Variants in APOB observed in about 807,000 individuals in gnomAD.
APOB encodes the protein apolipoprotein B-100.
Under a neutral mutation model 314.1 loss-of-function variants are expected in APOB, and 153 were observed. The ratio of observed to expected loss-of-function variants is 0.49; its 90% CI spans 0.43 to 0.56. The LOEUF is 0.56. Among genes scored for constraint, APOB ranks in the 20% least tolerant of loss-of-function variants. The probability of loss-of-function intolerance (pLI) is 0.00; values close to 1 mark genes in which losing one functional copy is unlikely to be tolerated. For synonymous variants in APOB, 2,087 were observed against 2,036.4 expected (o/e 1.02, Z -0.67); for missense variants, 5,430 against 5,350.7 (o/e 1.01, Z -0.46).
chr2:21,021,285 A>G (rs953166476), intron 18 of APOB, among the ~76,000 whole-genome samples: 1 of 152,122 alleles, frequency 6.6e-6, no homozygotes, highest in African/African-American at 2.4e-5. Flanking sequence ...AGTACTTATG[A>G]TTCTGCCTCT....
At position 21,011,773 on chromosome 2, in the gene APOB, G is replaced by T. The variant is rs138709653; in HGVS notation, c.5095C>A (p.Leu1699Met). Residue 1699 changes from leucine to methionine, a missense_variant, in exon 26 of 29, where the codon CTG (leucine) becomes ATG (methionine). Physicochemically the swap from Leu to Met is conservative, Grantham distance 15. Transcript: ENST00000233242. ...TCTGTGAGGGCGGCTTTCCCATCCAGACTGAATTTTGCATTGTGTTCCCTG... is the reference window on the plus strand; with the variant it reads ...TCTGTGAGGGCGGCTTTCCCATCCATACTGAATTTTGCATTGTGTTCCCTG... The part of the protein sequence containing the change: ...RFREHNAKFS[L>M]DGKAALTELS... 2 of 1,613,966 alleles carry T rather than the reference G, an allele frequency of 1.2e-6. No individual in the cohort carries two copies. The highest frequency in any genetic ancestry group is 2.2e-5 in the South Asian group (2 of 91,062).
At chr2:21,042,528 G>A in intron 2 of APOB, 52 bp from the exon 3 acceptor site, 1 of 1,402,192 alleles carries the variant, frequency 7.1e-7, no homozygotes. Context: ...CTCTCCCAAG[G>A]ACAGCCAATT....
Position 21,005,081 on chromosome 2 carries a change from A to T in APOB, c.11787T>A (p.Asn3929Lys), listed in dbSNP as rs1047501521. 2 of 1,613,790 alleles carry T rather than the reference A, an allele frequency of 1.2e-6. No individual in the cohort carries two copies. The highest frequency in any genetic ancestry group is 1.7e-6 in the Non-Finnish European group (2 of 1,179,808). Residue 3929 changes from asparagine to lysine, a missense_variant and splice_region_variant, in exon 26 of 29, where the codon AAT (asparagine) becomes AAA (lysine). Around this residue, in one of 3 missense-constraint regions of APOB, gnomAD observed 3,281 missense variants for 3,171.0 expected, o/e 1.03. Transcript: ENST00000233242. ...GAGAGGAGGCAGGATATTTCTTACC[A>T]TTTAGTTCATATTCTAGGAACTGTA... ...STVQFLEYEL[N>K]VLGTHKIEDG... is the part of the protein sequence containing the mutation.
rs749868276 is a variant in APOB at position 21,001,965 on chromosome 2, T to G, written c.13457A>C (p.Lys4486Thr). Residue 4486 changes from lysine (K) to threonine (T), a missense_variant, in exon 29 of 29, where the codon AAA becomes ACA. Lys to Thr is a moderately conservative substitution (Grantham distance 78). Coordinates refer to ENST00000233242, the MANE Select transcript of APOB (RefSeq NM_000384.3). ...CTGCTGGTGGTAATCAGAAATTATTTTCTTCGTCGCAATGGCCTGGCTTTT... is the reference window on the plus strand; with the variant it reads ...CTGCTGGTGGTAATCAGAAATTATTGTCTTCGTCGCAATGGCCTGGCTTTT... Reference protein sequence around the residue: ...IIKSQAIATKKIISDYHQQFR... With the variant: ...IIKSQAIATKTIISDYHQQFR... The G allele has an allele frequency of 1.2e-6, 2 of 1,614,084 alleles. No individual in the cohort carries two copies. The highest frequency in any genetic ancestry group is 2.2e-5 in the South Asian group (2 of 91,084).
rs12720769 is a variant in APOB at position 21,031,513 on chromosome 2, G to A, written c.1352+841C>T. On this transcript the variant is annotated intron_variant, in intron 10 of 28. Transcript: ENST00000233242. ...TTAGTGGGTACACTATATGTTGTCT[G>A]GGTGATGGATACCCTGAAAGCCCTG... 4.5e-3 allele frequency among the ~76,000 whole-genome samples: 690 copies of A among 152,300 alleles called. 2 individuals are homozygous for A. Among genetic ancestry groups the A allele is most frequent in the African/African-American group, 0.016 (651 of 41,556 alleles).
In APOB at chr2:21,019,067, C is replaced by G. The variant is rs770892328; in HGVS notation, c.3046G>C (p.Val1016Leu). Residue 1016 changes from valine to leucine, a missense_variant, in exon 20 of 29, where the codon GTC becomes CTC. This residue lies in a region of APOB where 2,085 missense variants were observed against 2,079.7 expected (regional missense o/e 1.00). Coordinates refer to ENST00000233242, the MANE Select transcript of APOB (RefSeq NM_000384.3). ...RPTGEIEQYSVSATYELQRED... is the reference protein window; with the variant it reads ...RPTGEIEQYSLSATYELQRED... ...CTCTGGAGCTCATAGGTTGCGCTGACAGAATACTGCTCAATCTCTCCTGTA... is the reference window on the plus strand; with the variant it reads ...CTCTGGAGCTCATAGGTTGCGCTGAGAGAATACTGCTCAATCTCTCCTGTA... 1.9e-6 allele frequency: 3 copies of G among 1,614,038 alleles called. No individual in the cohort carries two copies. Among genetic ancestry groups the G allele is most frequent in the Non-Finnish European group, 2.5e-6 (3 of 1,179,980 alleles).
Position 21,011,304 on chromosome 2 carries a change from G to A in APOB, c.5564C>T (p.Thr1855Ile), listed in dbSNP as rs774080084. 6.2e-7 allele frequency: 1 copy of A among 1,614,246 alleles called. No individual in the cohort carries two copies. The highest frequency in any genetic ancestry group is 1.1e-5 in the South Asian group (1 of 91,088). Reference sequence around the variant, plus strand: ...CTCCACACCCTGAACCTTAGCAACAGTGTCTGCTTTATAGCTTGCTGATAA... The same window carrying A: ...CTCCACACCCTGAACCTTAGCAACAATGTCTGCTTTATAGCTTGCTGATAA... ...AALSASYKAD[T>I]VAKVQGVEFS... The change falls in exon 26 of 29, where the codon ACT (threonine) becomes ATT (isoleucine). Residue 1855 changes from threonine (T) to isoleucine (I), a missense_variant. By Grantham distance (89) the Thr-to-Ile change is moderately conservative (BLOSUM62 -1). Coordinates refer to ENST00000233242, the MANE Select transcript of APOB (RefSeq NM_000384.3).
At chr2:21,038,168 A>G in intron 4 of APOB, 57 bp from the exon 5 acceptor site, 1 of 1,598,098 alleles carries the variant, frequency 6.3e-7, no homozygotes, top group Non-Finnish European at 8.6e-7. Context: ...ACTTGCTGGA[A>G]GTAAGCTGGG....
Position 21,010,260 on chromosome 2 carries a change from T to C in APOB, c.6608A>G (p.Asp2203Gly). The C allele has an allele frequency of 6.4e-7, 1 of 1,555,884 alleles. No individual in the cohort carries two copies. Among genetic ancestry groups the C allele is most frequent in the Non-Finnish European group, 8.7e-7 (1 of 1,152,900 alleles). ...DLKIAIANIIDEIIEKLKSLD... is the reference protein window; with the variant it reads ...DLKIAIANIIGEIIEKLKSLD... ...ACTTTTTAATTTTTCAATGATTTCATCAATAATATTAGCAATAGCTATTTT... is the reference window on the plus strand; with the variant it reads ...ACTTTTTAATTTTTCAATGATTTCACCAATAATATTAGCAATAGCTATTTT... Residue 2203 changes from aspartate to glycine, a missense_variant, in exon 26 of 29, where the codon GAT becomes GGT. By Grantham distance (94) the Asp-to-Gly change is moderately conservative. Transcript: ENST00000233242.
In APOB at chr2:21,040,550, G is replaced by A. The variant is rs564332181; in HGVS notation, c.383+388C>T. ...AAGCCTTGGTGCTCCTCTGCCCTGC[G>A]GTGAACAGACCCTGCCCCGCCATGT... On this transcript the variant is annotated intron_variant, in intron 4 of 28. Coordinates refer to ENST00000233242, the MANE Select transcript of APOB (RefSeq NM_000384.3). Among the ~76,000 whole-genome samples, 18 of 152,278 alleles carry A rather than the reference G, an allele frequency of 1.2e-4. No individual in the cohort carries two copies. In the South Asian group the frequency reaches 2.1e-3, roughly 18 times the overall value.
Position 21,010,197 on chromosome 2 carries a change from T to G in APOB, c.6671A>C (p.Lys2224Thr). The change falls in exon 26 of 29, where the codon AAA (lysine) becomes ACA (threonine). Residue 2224 changes from lysine (K) to threonine (T), a missense_variant. Lys to Thr is a moderately conservative substitution (Grantham distance 78). Coordinates refer to ENST00000233242, the MANE Select transcript of APOB (RefSeq NM_000384.3). ...EHYHIRVNLV[K>T]TIHDLHLFIE... is the part of the protein sequence containing the mutation. Reference sequence around the variant, plus strand: ...AAACAAATGTAGATCATGGATTGTTTTTACTAAATTTACACGGATATGATA... The same window carrying G: ...AAACAAATGTAGATCATGGATTGTTGTTACTAAATTTACACGGATATGATA... The G allele has an allele frequency of 6.3e-7, 1 of 1,593,778 alleles. No individual in the cohort carries two copies. The highest frequency in any genetic ancestry group is 1.1e-5 in the South Asian group (1 of 89,570).
At chr2:21,004,133 C>T in intron 28 of APOB, 136 bp downstream of exon 28, 2 of 847,280 alleles carry the variant, frequency 2.4e-6, no homozygotes, top group South Asian at 3.0e-5. Context: ...AGAATATTTC[C>T]TCAGAGAAGA....
At chr2:21,043,117 C>A (rs1664173237) in intron 2 of APOB, among the ~76,000 whole-genome samples, 1 of 150,632 alleles carries the variant, frequency 6.6e-6, no homozygotes, top group Non-Finnish European at 1.5e-5. Context: ...CTTTAACCCC[C>A]AGGGGTCAGG....
chr2:21,004,482 C>G (rs779330794), intron 27 of APOB, 30 bp from the exon 28 acceptor site: 3 of 1,613,550 alleles, frequency 1.9e-6, no homozygotes, highest in Non-Finnish European at 2.5e-6. Flanking sequence ...TGAGCTATCA[C>G]GAAAGGGGTA....
intron 1 of APOB, 130 bp from the exon 2 acceptor site, chr2:21,043,681 A>G: frequency 6.7e-7 from 1 of 1,495,074 alleles, no homozygotes; most frequent in East Asian, 2.5e-5. Context: ...CCCCCTCCTC[A>G]GCCCCTCCAT....
chr2:21,026,373 G>A (rs779963816), intron 15 of APOB, among the ~76,000 whole-genome samples: 4 of 151,800 alleles, frequency 2.6e-5, no homozygotes, highest in African/African-American at 4.8e-5. Flanking sequence ...TCAGCCTCCC[G>A]AGTAGCTAGG....
In APOB at chr2:21,043,892, C is replaced by A; in HGVS notation, c.54G>T (p.Leu18=). The A allele has an allele frequency of 6.8e-7, 1 of 1,465,276 alleles. No homozygotes were observed. Among genetic ancestry groups the A allele is most frequent in the Non-Finnish European group, 9.0e-7 (1 of 1,114,312 alleles). 90.8% of individuals were successfully genotyped at this position (1,465,276 alleles called of 1,614,324 possible). ...LLALLALPAL[L]LLLLAGARAE... ...CCCTGGCGCCCGCCAGCAGCAGCAG[C>A]AGCAGCGCAGGCAGCGCCAGCAGCG... Residue 18 remains leucine, a synonymous_variant, in exon 1 of 29, where the codon CTG becomes CTT. Transcript: ENST00000233242.
Position 21,004,249 on chromosome 2 carries a change from A to G in APOB, c.12087+20T>C, listed in dbSNP as rs372410721. ...CTCCACTCGCTCTTGGGGGCGTGTC[A>G]CTCATTAGGTGGTATTTACCTGAGG... is the stretch of plus-strand genomic sequence containing the variant. On this transcript the variant is annotated intron_variant, in intron 28 of 28. Transcript: ENST00000233242. The G allele has an allele frequency of 6.2e-7, 1 of 1,613,032 alleles. No homozygotes were observed. The highest frequency in any genetic ancestry group is 1.3e-5 in the African/African-American group (1 of 74,836).
Position 21,012,260 on chromosome 2 carries a change from T to A in APOB, c.4608A>T (p.Arg1536Ser). 1 of 1,613,136 alleles carries A rather than the reference T, an allele frequency of 6.2e-7. No homozygotes were observed. The highest frequency in any genetic ancestry group is 8.5e-7 in the Non-Finnish European group (1 of 1,179,214). Reference protein sequence around the residue: ...YLQGTNQITGRYEDGTLSLTS... With the variant: ...YLQGTNQITGSYEDGTLSLTS... ...TGAGGGAGAGGGTTCCATCTTCATATCTTCCTGTTATCTGGTTGGTGCCTT... is the reference window on the plus strand; with the variant it reads ...TGAGGGAGAGGGTTCCATCTTCATAACTTCCTGTTATCTGGTTGGTGCCTT... Residue 1536 changes from arginine to serine, a missense_variant, in exon 26 of 29, where the codon AGA becomes AGT. Around this residue, in one of 3 missense-constraint regions of APOB, gnomAD observed 2,085 missense variants for 2,079.7 expected, o/e 1.00. Transcript: ENST00000233242.
Sources: allele counts gnomAD v4.1 joint callset (sites outside exome capture counted in the v4.1 genomes callset), GRCh38; gene constraint gnomAD v4.1.1; regional missense constraint gnomAD v4.1.1; transcripts MANE v1.5; gene names NCBI Gene and HGNC (gene_info 2026-07-23, HGNC 2026-07-21).